Variants in SI observed in about 807,000 individuals in gnomAD.
SI encodes the protein sucrase-isomaltase.
Under a neutral mutation model 253.3 loss-of-function variants are expected in SI, and 235 were observed. The observed-to-expected ratio is 0.93, with a 90% confidence interval of 0.83 to 1.03. The LOEUF (loss-of-function observed/expected upper bound fraction) is 1.03. SI is among the 50% of genes least tolerant of loss of function. The pLI, the probability that SI is intolerant of heterozygous loss-of-function variation, is 0.00. For missense variants in SI, 2,442 were observed against 2,211.1 expected, an observed-to-expected ratio of 1.10 and a Z score of -2.09; for synonymous variants, 819 against 712.0, an observed-to-expected ratio of 1.15 and a Z score of -2.39.
intron 26 of SI, among the ~76,000 whole-genome samples, chr3:165,021,684 A>G (rs1711632755): frequency 6.6e-6 from 1 of 151,708 alleles, no homozygotes; most frequent in African/African-American, 2.4e-5. Context: ...GTATGGGTAT[A>G]CCAAAATTAT....
intron 3 of SI, among the ~76,000 whole-genome samples, chr3:165,073,802 A>C (rs1714757648): frequency 6.6e-6 from 1 of 152,138 alleles, no homozygotes; most frequent in Non-Finnish European, 1.5e-5. Context: ...ATGGTATTAG[A>C]GTTATAAATA....
At chr3:164,988,260 T>C (rs954479155) in intron 44 of SI, among the ~76,000 whole-genome samples, 1 of 152,158 alleles carries the variant, frequency 6.6e-6, no homozygotes, top group Non-Finnish European at 1.5e-5. Flanking sequence ...AGTTCAAATC[T>C]CCACAGTAAT....
At chr3:165,067,519 A>G (rs762150429) in intron 5 of SI, 28 bp from the exon 6 acceptor site, 60 of 1,566,952 alleles carry the variant, frequency 3.8e-5, no homozygotes, top group Non-Finnish European at 4.8e-5. Flanking sequence ...AGGTAGCATT[A>G]CTGGATTCTA....
At chr3:164,979,753 A>G (rs563368571) in intron 47 of SI, among the ~76,000 whole-genome samples, 4 of 151,988 alleles carry the variant, frequency 2.6e-5, no homozygotes, top group Admixed American at 2.6e-4. Context: ...GGAGTTATTT[A>G]TAACTGCACC....
At chr3:165,006,155 C>A (rs1254297897) in intron 37 of SI, among the ~76,000 whole-genome samples, 1 of 152,184 alleles carries the variant, frequency 6.6e-6, no homozygotes, top group Non-Finnish European at 1.5e-5. Flanking sequence ...TGTTGCCAGG[C>A]TGGAGTGCAA....
chr3:165,022,392 C>G lies in SI; in HGVS notation c.3100-1009G>C, dbSNP rs575906371. On this transcript the variant is annotated intron_variant, in intron 26 of 47. Transcript: ENST00000264382. ...ATTTTAGGCTTATGTTTAGTTTTCA[C>G]ATGGAACTCATTCTAAATTTTATTT... is the stretch of plus-strand genomic sequence containing the variant. Among the ~76,000 whole-genome samples the G allele has an allele frequency of 1.4e-3, 217 of 151,210 alleles. 1 individual carries two copies. The highest frequency in any genetic ancestry group is 5.1e-3 in the African/African-American group (213 of 41,388).
chr3:165,072,871 A>G (rs1382190617), intron 3 of SI, among the ~76,000 whole-genome samples: 2 of 152,146 alleles, frequency 1.3e-5, no homozygotes. Flanking sequence ...CTAGTTAAAA[A>G]TGTCAAGAAA....
At position 164,979,224 on chromosome 3, in the gene SI, C is replaced by A; in HGVS notation, c.*138G>T. ...AAATTAGCATTATCATTGATGTACG[C>A]TACAAAATAACTTTTCGATGTTATG... On this transcript the variant is annotated 3_prime_UTR_variant, in exon 48 of 48. Coordinates refer to ENST00000264382, the MANE Select transcript of SI (RefSeq NM_001041.4). The A allele has an allele frequency of 1.4e-6, 1 of 692,248 alleles. No individual in the cohort carries two copies. Among genetic ancestry groups the A allele is most frequent in the Non-Finnish European group, 2.7e-6 (1 of 377,206 alleles). The allele number at this position is 692,248 out of a possible 1,614,324, so 42.9% of individuals were successfully genotyped here.
At chr3:165,041,121 T>C (rs1380785813) in intron 17 of SI, 27 bp from the exon 18 acceptor site, 1 of 1,607,034 alleles carries the variant, frequency 6.2e-7, no homozygotes. Context: ...GAAATTAAAA[T>C]AAGAAAGCTA....
chr3:165,040,050 A>C (rs1712737437), intron 18 of SI, 79 bp from the exon 19 acceptor site: 1 of 1,143,406 alleles, frequency 8.7e-7, no homozygotes, highest in Admixed American at 1.7e-5. Flanking sequence ...TTATCTTTTC[A>C]GTTTTTTCCT....
In SI at chr3:165,067,485, C is replaced by T. The variant is rs1714305230; in HGVS notation, c.490G>A (p.Asp164Asn). 1.2e-6 allele frequency: 2 copies of T among 1,608,234 alleles called. No homozygotes were observed. The highest frequency in any genetic ancestry group is 1.7e-6 in the Non-Finnish European group (2 of 1,175,270). The change falls in exon 6 of 48, where the codon GAT becomes AAT. Residue 164 changes from aspartate to asparagine, a missense_variant. Coordinates refer to ENST00000264382, the MANE Select transcript of SI (RefSeq NM_001041.4). Reference sequence around the variant, plus strand: ...ACTTCATATCTTCTATTATTTGGATCAGTAATCTGGAAAGATTTAAGCAAG... The same window carrying T: ...ACTTCATATCTTCTATTATTTGGATTAGTAATCTGGAAAGATTTAAGCAAG... ...TPNRFRFKIT[D>N]PNNRRYEVPH...
intron 37 of SI, among the ~76,000 whole-genome samples, chr3:165,003,731 G>T (rs1293252400): frequency 6.6e-6 from 1 of 151,930 alleles, no homozygotes; most frequent in Non-Finnish European, 1.5e-5. Flanking sequence ...AGATGCTTAG[G>T]CTATAAAAGA....
At chr3:165,043,244 A>G in intron 16 of SI, 69 bp from the exon 17 acceptor site, 3 of 983,846 alleles carry the variant, frequency 3.0e-6, no homozygotes, top group South Asian at 2.7e-5. Context: ...ATCACACTGT[A>G]TGCCTCAACT....
chr3:165,043,066 C>G lies in SI; in HGVS notation c.1997G>C (p.Gly666Ala), dbSNP rs777656710. 2.5e-6 allele frequency: 4 copies of G among 1,590,208 alleles called. No individual in the cohort carries two copies. The highest frequency in any genetic ancestry group is 3.3e-5 in the Admixed American group (2 of 59,832). Reference protein sequence around the residue: ...YPFSRNHNSDGYEHQDPAFFG... With the variant: ...YPFSRNHNSDAYEHQDPAFFG... The stretch of plus-strand genomic sequence containing the variant: ...AGAACAAGAGGCTCTTACTTCATAT[C>G]CGTCAGAATTATGGTTTCTGGAAAA... The change falls in exon 17 of 48, where the codon GGA (glycine) becomes GCA (alanine). Residue 666 changes from glycine (G) to alanine (A), a missense_variant. Coordinates refer to ENST00000264382, the MANE Select transcript of SI (RefSeq NM_001041.4).
intron 35 of SI, among the ~76,000 whole-genome samples, chr3:165,008,478 G>T (rs1718621121): frequency 6.6e-6 from 1 of 151,846 alleles, no homozygotes; most frequent in Non-Finnish European, 1.5e-5. Flanking sequence ...AAATAAGTCA[G>T]CCACCATTTA....
chr3:165,009,278 C>A lies in SI; in HGVS notation c.4179+1G>T, dbSNP rs1395936979. On this transcript the variant is annotated splice_donor_variant, in intron 35 of 47. Coordinates refer to ENST00000264382, the MANE Select transcript of SI (RefSeq NM_001041.4). LOFTEE classifies it high-confidence loss of function. ...ACATAGATTGTTCAAAGCTTACTTA[C>A]AATCCACAAACCATCAAACTTCATC... 3 of 1,579,642 alleles carry A rather than the reference C, an allele frequency of 1.9e-6. No homozygotes were observed. The highest frequency in any genetic ancestry group is 2.6e-6 in the Non-Finnish European group (3 of 1,148,996).
At chr3:165,084,456 A>G in the SI span, among the ~76,000 whole-genome samples, 5 of 152,168 alleles carry the variant, frequency 3.3e-5, no homozygotes, top group African/African-American at 1.2e-4. Context: ...AAGCAAATTG[A>G]CAAAACAAAT....
upstream of SI, among the ~76,000 whole-genome samples, chr3:165,080,002 A>C (rs1396031028): frequency 6.6e-6 from 1 of 151,978 alleles, no homozygotes; most frequent in Non-Finnish European, 1.5e-5. Flanking sequence ...AAATATAGAC[A>C]AGCTGATTGT....
intron 13 of SI, among the ~76,000 whole-genome samples, chr3:165,053,918 C>T (rs919623030): frequency 6.6e-6 from 1 of 151,854 alleles, no homozygotes; most frequent in African/African-American, 2.4e-5. Flanking sequence ...CTACCAATTG[C>T]TAGTTATTAG....
Sources: gnomAD v4.1 joint callset for allele counts (sites outside exome capture counted in the v4.1 genomes callset) on GRCh38, gnomAD v4.1.1 for gene constraint, MANE v1.5 for transcripts, NCBI Gene and HGNC (gene_info 2026-07-23, HGNC 2026-07-21) for gene names.